Variants in ZNF445 observed in about 807,000 individuals in gnomAD.
ZNF445 encodes the protein zinc finger protein 445.
A neutral mutation model predicts 93.9 loss-of-function variants in ZNF445; 19 were observed. That is an observed-to-expected ratio of 0.20 (90% CI 0.14 to 0.30). ZNF445 has a LOEUF of 0.30. Among genes scored for constraint, ZNF445 ranks in the 10% least tolerant of loss-of-function variants. The pLI, the probability that ZNF445 is intolerant of heterozygous loss-of-function variation, is 1.00. For synonymous variants in ZNF445, 449 were observed against 446.3 expected (o/e 1.01, Z -0.08); for missense variants, 1,058 against 1,259.4 (o/e 0.84, Z 2.42).
At chr3:44,466,462 TTATTAG>T (rs1354457496) in intron 1 of ZNF445, among the ~76,000 whole-genome samples, 1 of 152,204 alleles carries the variant, frequency 6.6e-6, no homozygotes, top group Non-Finnish European at 1.5e-5. Flanking sequence ...TGTAAATGTG[TTATTAG>T]TATATGTTAT....
At chr3:44,456,740 T>C (rs1219089775) in intron 2 of ZNF445, among the ~76,000 whole-genome samples, 1 of 152,256 alleles carries the variant, frequency 6.6e-6, no homozygotes, top group Non-Finnish European at 1.5e-5. Flanking sequence ...AATCCCCTAG[T>C]TGATTTTACG....
In ZNF445 at chr3:44,455,294, GC is replaced by G; in HGVS notation, c.255del (p.Arg85SerfsTer11). 6.2e-7 allele frequency: 1 copy of G among 1,614,110 alleles called. No homozygotes were observed. Among genetic ancestry groups the G allele is most frequent in the Non-Finnish European group, 8.5e-7 (1 of 1,179,974 alleles). On this transcript the variant is annotated frameshift_variant, in exon 3 of 8. Coordinates refer to ENST00000396077, the MANE Select transcript of ZNF445 (RefSeq NM_181489.6). LOFTEE classifies it high-confidence loss of function. ...RLRELCRWWL[R>X]PDVLSKAQIL... ...ATCTGTGCCTTGGAGAGAACGTCAG[GC>G]CTCAGCCACCAGCGACAGAGTTCCC...
In ZNF445 at chr3:44,450,488, C is replaced by T; in HGVS notation, c.779G>A (p.Arg260Lys). The T allele has an allele frequency of 6.2e-7, 1 of 1,614,208 alleles. No homozygotes were observed. Among genetic ancestry groups the T allele is most frequent in the Non-Finnish European group, 8.5e-7 (1 of 1,180,036 alleles). ...WLDSAQRNLY[R>K]DVMLENYRNM... Reference sequence around the variant, plus strand: ...CCTATAATTCTCCAGCATCACATCCCTGTACAGGTTCCTCTGAGCAGAGTC... The same window carrying T: ...CCTATAATTCTCCAGCATCACATCCTTGTACAGGTTCCTCTGAGCAGAGTC... Residue 260 changes from arginine to lysine, a missense_variant, in exon 6 of 8, where the codon AGG becomes AAG. By Grantham distance (26) the Arg-to-Lys change is conservative (BLOSUM62 2). Transcript: ENST00000396077.
intron 6 of ZNF445, 147 bp downstream of exon 6, chr3:44,450,300 G>GCT: frequency 1.1e-6 from 1 of 917,370 alleles, no homozygotes; most frequent in Non-Finnish European, 1.7e-6. Context: ...TTCAAAAGAG[G>GCT]CTACCAAGGT....
chr3:44,470,338 G>A (rs1391989353), intron 1 of ZNF445, among the ~76,000 whole-genome samples: 4 of 152,148 alleles, frequency 2.6e-5, no homozygotes, highest in African/African-American at 9.7e-5. Context: ...TACGAATTGT[G>A]AAAACAAAAC....
At chr3:44,456,602 C>T (rs752230043) in intron 2 of ZNF445, among the ~76,000 whole-genome samples, 13 of 152,038 alleles carry the variant, frequency 8.6e-5, no homozygotes, top group Non-Finnish European at 1.8e-4. Context: ...ATAGAAAAAC[C>T]AGAAACAGAA....
At chr3:44,461,658 C>T (rs1180102749) in intron 1 of ZNF445, among the ~76,000 whole-genome samples, 2 of 152,190 alleles carry the variant, frequency 1.3e-5, no homozygotes, top group Admixed American at 1.3e-4. Flanking sequence ...GGATCAAAGA[C>T]AACAGGGACC....
intron 2 of ZNF445, among the ~76,000 whole-genome samples, chr3:44,457,338 C>T (rs148326906): frequency 0.011 from 1,726 of 151,928 alleles, 27 homozygotes; most frequent in African/African-American, 0.038. Flanking sequence ...GTGGTGTGAT[C>T]ATGGCTCACT....
chr3:44,447,525 T>C lies in ZNF445; in HGVS notation c.2146A>G (p.Lys716Glu), dbSNP rs1559391226. The C allele has an allele frequency of 2.0e-5, 32 of 1,614,192 alleles. No individual in the cohort carries two copies. The highest frequency in any genetic ancestry group is 2.7e-5 in the Non-Finnish European group (32 of 1,180,022). ...AAGGCTGACCTATAGGCAAAGTCCT[T>C]CCCACAATCGCTACACTGGTAAGGT... is the stretch of plus-strand genomic sequence containing the variant. ...EKPYQCSDCG[K>E]DFAYRSAFIV... The change falls in exon 8 of 8, where the codon AAG becomes GAG. Residue 716 changes from lysine to glutamate, a missense_variant. Physicochemically the swap from Lys to Glu is moderately conservative, Grantham distance 56. Coordinates refer to ENST00000396077, the MANE Select transcript of ZNF445 (RefSeq NM_181489.6). This position sits in a 1 kb window ranked among gnomAD's most constrained non-coding sequence, Gnocchi z 4.7.
At chr3:44,450,408 A>G in intron 6 of ZNF445, 39 bp downstream of exon 6, 1 of 1,613,856 alleles carries the variant, frequency 6.2e-7, no homozygotes, top group South Asian at 1.1e-5. Context: ...GAAGGCAGAA[A>G]TAAAGATGGA....
Position 44,449,389 on chromosome 3 carries a change from C to T in ZNF445, c.931+124G>A, listed in dbSNP as rs1030923835. 3.7e-6 allele frequency: 3 copies of T among 821,738 alleles called. No homozygotes were observed. The African/African-American group carries it at 5.1e-5, about 14-fold the overall frequency. 50.9% of individuals were successfully genotyped at this position (821,738 alleles called of 1,614,324 possible). On this transcript the variant is annotated intron_variant, in intron 7 of 7. Coordinates refer to ENST00000396077, the MANE Select transcript of ZNF445 (RefSeq NM_181489.6). ...GACCCAGTGGCCCAAGCACCCTTAC[C>T]AACACTGTTAAAGATCTTCCTTCCA...
At chr3:44,476,326 G>A (rs1698352337) in intron 1 of ZNF445, among the ~76,000 whole-genome samples, 1 of 151,560 alleles carries the variant, frequency 6.6e-6, no homozygotes, top group South Asian at 2.1e-4. Context: ...GCATACTGAG[G>A]TTTATCTTCA....
chr3:44,454,719 C>A (rs896237786), intron 3 of ZNF445, among the ~76,000 whole-genome samples: 3 of 152,118 alleles, frequency 2.0e-5, no homozygotes, highest in African/African-American at 7.2e-5. Context: ...AGCCACTATG[C>A]CTGGCCTAAT....
rs1697737673 is a variant in ZNF445 at position 44,438,561 on chromosome 3, G to T, written c.*8014C>A. ...TCTGCCCGCCTCAGCCTCCCAAAGT[G>T]CTGGGATTACAGGTGTGAGCCACCG... is the stretch of plus-strand genomic sequence containing the variant. On this transcript the variant is annotated 3_prime_UTR_variant, in exon 8 of 8. Coordinates refer to ENST00000396077, the MANE Select transcript of ZNF445 (RefSeq NM_181489.6). 6.6e-6 allele frequency: 1 copy of T among 152,076 alleles called. No individual in the cohort carries two copies. Among genetic ancestry groups the T allele is most frequent in the Admixed American group, 6.6e-5 (1 of 15,248 alleles). 9.4% of individuals were successfully genotyped at this position (152,076 alleles called of 1,614,324 possible). A position where few individuals can be genotyped will look rare whatever the true frequency, so the allele number is the denominator to read the frequency against.
rs1697819809 is a variant in ZNF445, at chr3:44,442,105, T to C, written c.*4470A>G. On this transcript the variant is annotated 3_prime_UTR_variant, in exon 8 of 8. Transcript: ENST00000396077. ...ACGTGCCCACAGGTACACAGTATGCTTAACTTTACACTAAGGGTACCTTGT... is the reference window on the plus strand; with the variant it reads ...ACGTGCCCACAGGTACACAGTATGCCTAACTTTACACTAAGGGTACCTTGT... 6.6e-6 allele frequency: 1 copy of C among 152,184 alleles called. No individual in the cohort carries two copies. Among genetic ancestry groups the C allele is most frequent in the South Asian group, 2.1e-4 (1 of 4,830 alleles). The allele number at this position is 152,184 out of a possible 1,614,324, so 9.4% of individuals were successfully genotyped here.
At position 44,446,863 on chromosome 3, in the gene ZNF445, G is replaced by A. The variant is rs768349644; in HGVS notation, c.2808C>T (p.Asp936=). 1.9e-6 allele frequency: 3 copies of A among 1,614,150 alleles called. No individual in the cohort carries two copies. Among genetic ancestry groups the A allele is most frequent in the Non-Finnish European group, 2.5e-6 (3 of 1,180,038 alleles). The change falls in exon 8 of 8, where the codon GAC becomes GAT. Residue 936 remains aspartate (D), a synonymous_variant. Transcript: ENST00000396077. This position sits in a 1 kb window ranked among gnomAD's most constrained non-coding sequence, Gnocchi z 4.2. The stretch of plus-strand genomic sequence containing the variant: ...TTAGCTTCTGTAATCTCAACTTTGT[G>A]TCCTGAGAGGAAGACCGTGCAGGCG... The part of the protein sequence containing the change: ...RSPPARSSSQ[D]TKLRLQKLKP...
intron 3 of ZNF445, among the ~76,000 whole-genome samples, chr3:44,453,337 C>T (rs1697982353): frequency 6.6e-6 from 1 of 151,384 alleles, no homozygotes; most frequent in Non-Finnish European, 1.5e-5. Context: ...TTCTGTTGCC[C>T]AGTCTAGACT....
At chr3:44,456,288 G>C (rs566254015) in intron 2 of ZNF445, among the ~76,000 whole-genome samples, 4 of 152,004 alleles carry the variant, frequency 2.6e-5, no homozygotes, top group Non-Finnish European at 5.9e-5. Flanking sequence ...ATGGTGGTGC[G>C]TGCCTGTAAT....
intron 1 of ZNF445, among the ~76,000 whole-genome samples, chr3:44,460,748 C>G (rs527859340): frequency 2.4e-4 from 36 of 152,364 alleles, no homozygotes; most frequent in Non-Finnish European, 1.5e-4. Flanking sequence ...GTCTCCCGCA[C>G]AGCCAGTTCT....
Sources: gnomAD v4.1 joint callset for allele counts (sites outside exome capture counted in the v4.1 genomes callset) on GRCh38, gnomAD v4.1.1 for gene constraint, Gnocchi (gnomAD v3.1) non-coding constraint, MANE v1.5 for transcripts, NCBI Gene and HGNC (gene_info 2026-07-23, HGNC 2026-07-21) for gene names.